The following C7 variants were observed in gnomAD, a reference collection of about 807,000 sequenced individuals.
C7 encodes complement C7.
In C7, 83 loss-of-function variants were observed where a neutral mutation model predicts 104.8. The ratio of observed to expected loss-of-function variants is 0.79; its 90% CI spans 0.66 to 0.95. The LOEUF (loss-of-function observed/expected upper bound fraction) is 0.95. C7 is among the 40% of genes least tolerant of loss of function. C7 has a pLI of 0.00. For missense variants in C7, 1,070 were observed against 1,011.2 expected (o/e 1.06, Z -0.79); for synonymous variants, 415 against 360.6 (o/e 1.15, Z -1.71).
chr5:40,974,225 C>T (rs1740764273), intron 15 of C7, among the ~76,000 whole-genome samples: 1 of 151,894 alleles, frequency 6.6e-6, no homozygotes, highest in Non-Finnish European at 1.5e-5. Flanking sequence ...CCCTACTGTC[C>T]CCGTAGTTAG....
chr5:40,939,201 A>T (rs1284531159), intron 6 of C7, among the ~76,000 whole-genome samples: 1 of 152,244 alleles, frequency 6.6e-6, no homozygotes. Flanking sequence ...ACCGTCTTCC[A>T]ATTTACCATA....
rs749663981 is a variant in C7, at chr5:40,964,882, C to T, written c.1882+9C>T. On this transcript the variant is annotated intron_variant, in intron 14 of 17. Coordinates refer to ENST00000313164, the MANE Select transcript of C7 (RefSeq NM_000587.4). ...GGAAATGCATTGTCAGAGTGAGTGG[C>T]GTCAGTTGTATATAATTTAAGATGA... is the stretch of plus-strand genomic sequence containing the variant. The T allele has an allele frequency of 2.5e-5, 41 of 1,612,888 alleles. No homozygotes were observed. Among genetic ancestry groups the T allele is most frequent in the South Asian group, 2.4e-4 (22 of 90,908 alleles).
At chr5:40,962,043 T>C (rs371338281) in intron 12 of C7, 42 bp from the exon 13 acceptor site, 13 of 1,053,994 alleles carry the variant, frequency 1.2e-5, no homozygotes, top group Non-Finnish European at 1.7e-5. Flanking sequence ...ATTATTATAC[T>C]GTGCAAATCA....
chr5:40,923,167 C>T (rs1421081898), intron 1 of C7, among the ~76,000 whole-genome samples: 1 of 152,046 alleles, frequency 6.6e-6, no homozygotes, highest in African/African-American at 2.4e-5. Flanking sequence ...GGCAAATGCT[C>T]TGAATAGACA....
chr5:40,971,165 T>C (rs1740690832), intron 14 of C7, among the ~76,000 whole-genome samples: 1 of 152,166 alleles, frequency 6.6e-6, no homozygotes, highest in Admixed American at 6.5e-5. Context: ...TGCCATACCG[T>C]CTTCCACAAT....
intron 1 of C7, among the ~76,000 whole-genome samples, chr5:40,928,175 C>T (rs1032053959): frequency 1.3e-5 from 2 of 152,122 alleles, no homozygotes; most frequent in South Asian, 2.1e-4. Flanking sequence ...ACAAATAGCA[C>T]GTGTTCTCAC....
At position 40,934,394 on chromosome 5, in the gene C7, A is replaced by G. The variant is rs781638460; in HGVS notation, c.208A>G (p.Thr70Ala). The change falls in exon 4 of 18, where the codon ACA (threonine) becomes GCA (alanine). Residue 70 changes from threonine to alanine, a missense_variant. Coordinates refer to ENST00000313164, the MANE Select transcript of C7 (RefSeq NM_000587.4). ...GQPCVGNAFE[T>A]QSCEPTRGCP... ...GCCTTGTGTTGGAAATGCTTTTGAA[A>G]CACAGTCCTGTGAACCTACAAGAGG... is the stretch of plus-strand genomic sequence containing the variant. The G allele has an allele frequency of 6.2e-7, 1 of 1,613,726 alleles. No individual in the cohort carries two copies. Among genetic ancestry groups the G allele is most frequent in the South Asian group, 1.1e-5 (1 of 91,058 alleles).
chr5:40,983,619 C>A lies in C7; in HGVS notation c.*2046C>A, dbSNP rs1278882137. Among the ~76,000 whole-genome samples, 1 of 152,146 alleles carries A rather than the reference C, an allele frequency of 6.6e-6. No individual in the cohort carries two copies. The highest frequency in any genetic ancestry group is 2.4e-5 in the African/African-American group (1 of 41,430). On this transcript the variant is annotated 3_prime_UTR_variant, in exon 18 of 18. Coordinates refer to ENST00000313164, the MANE Select transcript of C7 (RefSeq NM_000587.4). ...GACCTTTCCTCTAGTCCAACAGAGG[C>A]ATTCACAATTGCCTGTGGAGAATTA...
At chr5:40,927,662 G>A (rs961698706) in intron 1 of C7, among the ~76,000 whole-genome samples, 1 of 152,010 alleles carries the variant, frequency 6.6e-6, no homozygotes, top group Non-Finnish European at 1.5e-5. Flanking sequence ...GAGAAGACAT[G>A]CAAATGGCCA....
At chr5:40,921,053 A>T (rs1378279312) in intron 1 of C7, among the ~76,000 whole-genome samples, 9 of 141,442 alleles carry the variant, frequency 6.4e-5, no homozygotes, top group Non-Finnish European at 1.2e-4. Context: ...TGTCTCCAAA[A>T]AAAAAAAAAA....
At chr5:40,949,879 G>C in intron 8 of C7, 25 bp from the exon 9 acceptor site, 1 of 1,378,840 alleles carries the variant, frequency 7.3e-7, no homozygotes. Flanking sequence ...AATTAAACAT[G>C]TCTCTTTTAC....
chr5:40,927,500 G>A (rs1459439926), intron 1 of C7, among the ~76,000 whole-genome samples: 1 of 151,808 alleles, frequency 6.6e-6, no homozygotes, highest in African/African-American at 2.4e-5. Flanking sequence ...CATTCAAGAA[G>A]AAGCTAATAT....
chr5:40,965,250 C>T (rs1427787095), intron 14 of C7, among the ~76,000 whole-genome samples: 10 of 152,204 alleles, frequency 6.6e-5, no homozygotes, highest in African/African-American at 2.4e-4. Context: ...ATCTGAATAA[C>T]AGCATCTGCA....
At chr5:40,966,816 T>TTATC (rs771826522) in intron 14 of C7, among the ~76,000 whole-genome samples, 1 of 152,188 alleles carries the variant, frequency 6.6e-6, no homozygotes, top group Non-Finnish European at 1.5e-5. Flanking sequence ...CACAGTTTCT[T>TTATC]TATCCACTCA....
chr5:40,951,671 G>C (rs145630748), intron 9 of C7, among the ~76,000 whole-genome samples: 1 of 152,124 alleles, frequency 6.6e-6, no homozygotes, highest in Non-Finnish European at 1.5e-5. Context: ...GTATGGTAGG[G>C]GTGTAAGTGA....
chr5:40,941,290 C>T (rs11744811), intron 6 of C7, among the ~76,000 whole-genome samples: 22,687 of 151,848 alleles, frequency 0.15, 1,736 homozygotes, highest in Non-Finnish European at 0.17. Flanking sequence ...TCTCGAACTC[C>T]TGTCCTCAAG....
intron 1 of C7, among the ~76,000 whole-genome samples, chr5:40,921,282 A>G (rs1739432578): frequency 1.3e-5 from 2 of 152,160 alleles, no homozygotes; most frequent in African/African-American, 4.8e-5. Flanking sequence ...AAAAAATACT[A>G]TAAAACACTG....
intron 1 of C7, among the ~76,000 whole-genome samples, chr5:40,913,024 G>T (rs1352666441): frequency 6.6e-6 from 1 of 152,004 alleles, no homozygotes; most frequent in Non-Finnish European, 1.5e-5. Context: ...ACATTATTTA[G>T]CTCCTACTTG....
chr5:40,920,049 T>TAAAAA (rs1739407411), intron 1 of C7, among the ~76,000 whole-genome samples: 1 of 151,968 alleles, frequency 6.6e-6, no homozygotes, highest in Non-Finnish European at 1.5e-5. Flanking sequence ...ATAAAATAAG[T>TAAAAA]TCTTTTTTGA....
Sources: gnomAD v4.1 joint callset for allele counts (sites outside exome capture counted in the v4.1 genomes callset) on GRCh38, gnomAD v4.1.1 for gene constraint, MANE v1.5 for transcripts, NCBI Gene and HGNC (gene_info 2026-07-23, HGNC 2026-07-21) for gene names.